Variants in ERAP2 observed in about 807,000 individuals in gnomAD.
The protein encoded by ERAP2 is endoplasmic reticulum aminopeptidase 2.
In ERAP2, 118 loss-of-function variants were observed where a neutral mutation model predicts 111.1. The observed-to-expected ratio is 1.06, with a 90% CI of 0.92 to 1.24. The LOEUF is 1.24. ERAP2 is among the 50% of genes most tolerant of loss of function. The pLI, the probability that ERAP2 is intolerant of heterozygous loss-of-function variation, is 0.00. For synonymous variants in ERAP2, 410 were observed against 401.2 expected (o/e 1.02, Z -0.26); for missense variants, 1,131 against 1,125.8 (o/e 1.00, Z -0.07).
rs1400446738 is a variant in ERAP2, at chr5:96,918,343, G to A, written c.*738G>A. 1 of 152,154 alleles carries A rather than the reference G, an allele frequency of 6.6e-6. No homozygotes were observed. Among genetic ancestry groups the A allele is most frequent in the East Asian group, 1.9e-4 (1 of 5,224 alleles). 9.4% of individuals were successfully genotyped at this position (152,154 alleles called of 1,614,324 possible). ...TTGCCCAACCAGTTTTACGTCCAAG[G>A]AAAATTAGCCAATGCATAAAATATA... is the stretch of plus-strand genomic sequence containing the variant. On this transcript the variant is annotated 3_prime_UTR_variant, in exon 19 of 19. Transcript: ENST00000437043.
rs373773533 is a variant in ERAP2, at chr5:96,883,856, C to A, written c.640C>A (p.Pro214Thr). ...CATGGCTTTCCCTTGCTTTGATGAA[C>A]CGTTGTTCAAAGCCAACTTTTCAAT... ...ARMAFPCFDEPLFKANFSIKI... is the reference protein window; with the variant it reads ...ARMAFPCFDETLFKANFSIKI... Residue 214 changes from proline to threonine, a missense_variant, in exon 3 of 19, where the codon CCG (proline) becomes ACG (threonine). Coordinates refer to ENST00000437043, the MANE Select transcript of ERAP2 (RefSeq NM_022350.5). 2 of 1,613,798 alleles carry A rather than the reference C, an allele frequency of 1.2e-6. No homozygotes were observed. Among genetic ancestry groups the A allele is most frequent in the South Asian group, 1.1e-5 (1 of 91,072 alleles).
At chr5:96,891,289 C>T (rs1004124335) in intron 5 of ERAP2, among the ~76,000 whole-genome samples, 5 of 151,294 alleles carry the variant, frequency 3.3e-5, no homozygotes, top group Admixed American at 1.3e-4. Context: ...TTTTAGCCTA[C>T]GTGAAATCAT....
In ERAP2 at chr5:96,919,321, C is replaced by T. The variant is rs1787746838; in HGVS notation, c.*1716C>T. 6.6e-6 allele frequency: 1 copy of T among 152,272 alleles called. No individual in the cohort carries two copies. The highest frequency in any genetic ancestry group is 2.1e-4 in the South Asian group (1 of 4,832). The allele number at this position is 152,272 out of a possible 1,614,324, so 9.4% of individuals were successfully genotyped here. A position where few individuals can be genotyped will look rare whatever the true frequency, so the allele number is the denominator to read the frequency against. ...TCATTTCATGGAATCTTTGAAGTAT[C>T]TTTGACTCTAACTTTGACTTGGTGG... On this transcript the variant is annotated 3_prime_UTR_variant, in exon 19 of 19. Coordinates refer to ENST00000437043, the MANE Select transcript of ERAP2 (RefSeq NM_022350.5).
At position 96,909,726 on chromosome 5, in the gene ERAP2, A is replaced by C. The variant is rs1461784789; in HGVS notation, c.2316A>C (p.Glu772Asp). 2 of 1,613,858 alleles carry C rather than the reference A, an allele frequency of 1.2e-6. No individual in the cohort carries two copies. Among genetic ancestry groups the C allele is most frequent in the Middle Eastern group, 1.7e-4 (1 of 6,060 alleles). The change falls in exon 15 of 19, where the codon GAA becomes GAC. Residue 772 changes from glutamate to aspartate, a missense_variant. This residue lies in a region of ERAP2 where 279 missense variants were observed against 250.9 expected (regional missense o/e 1.11). Transcript: ENST00000437043. ...CTCCTTGCATCCAGAAAGCTGCTGA[A>C]CTCTTCTCCCAGTGGATGGAATCCA... ...NHAPCIQKAAELFSQWMESSG... is the reference protein window; with the variant it reads ...NHAPCIQKAADLFSQWMESSG...
In ERAP2 at chr5:96,889,514, C is replaced by G; in HGVS notation, c.970+209C>G. On this transcript the variant is annotated intron_variant, in intron 5 of 18. Coordinates refer to ENST00000437043, the MANE Select transcript of ERAP2 (RefSeq NM_022350.5). The stretch of plus-strand genomic sequence containing the variant: ...CAACAGTGTGGATCATTTCTCTATT[C>G]TTTTATCAGGTTTAACGTTAACATA... 16 of 704,218 alleles carry G rather than the reference C, an allele frequency of 2.3e-5. No individual in the cohort carries two copies. The South Asian group carries it at 2.7e-4, about 12-fold the overall frequency. 43.6% of individuals were successfully genotyped at this position (704,218 alleles called of 1,614,324 possible). A position where few individuals can be genotyped will look rare whatever the true frequency, so the allele number is the denominator to read the frequency against.
intron 18 of ERAP2, among the ~76,000 whole-genome samples, chr5:96,916,375 G>A (rs2927609): frequency 0.38 from 56,892 of 151,088 alleles, 10,861 homozygotes; most frequent in Non-Finnish European, 0.42. Flanking sequence ...ATTGTATTAC[G>A]ATGCAAGAGT....
At chr5:96,886,439 A>G (rs1398494196) in intron 3 of ERAP2, among the ~76,000 whole-genome samples, 2 of 152,244 alleles carry the variant, frequency 1.3e-5, no homozygotes, top group Non-Finnish European at 2.9e-5. Flanking sequence ...GGGGATCTCA[A>G]AAGCAGGGCT....
chr5:96,881,989 A>AG (rs397829791), intron 2 of ERAP2, among the ~76,000 whole-genome samples: 6 of 21,940 alleles, frequency 2.7e-4, no homozygotes, highest in African/African-American at 1.3e-3. Flanking sequence ...GGGTATCAGG[A>AG]AGTGACTAGC....
chr5:96,916,440 T>C (rs1452962090), intron 18 of ERAP2, among the ~76,000 whole-genome samples: 1 of 150,752 alleles, frequency 6.6e-6, no homozygotes, highest in African/African-American at 2.4e-5. Context: ...AAACTATTGT[T>C]GGTAATTCTA....
At chr5:96,895,182 T>TTC (rs1407180246) in intron 6 of ERAP2, 64 bp from the exon 7 acceptor site, 2 of 1,011,858 alleles carry the variant, frequency 2.0e-6, no homozygotes, top group Admixed American at 2.3e-5. Flanking sequence ...CTATTGTATT[T>TTC]TTTGCTAAAG....
chr5:96,892,207 C>A, intron 5 of ERAP2, 92 bp from the exon 6 acceptor site: 1 of 1,318,090 alleles, frequency 7.6e-7, no homozygotes, highest in Non-Finnish European at 1.1e-6. Context: ...CTTAAATATG[C>A]TTAAAGGATC....
chr5:96,880,236 A>G lies in ERAP2; in HGVS notation c.551A>G (p.Tyr184Cys). 6.2e-7 allele frequency: 1 copy of G among 1,612,616 alleles called. No individual in the cohort carries two copies. The highest frequency in any genetic ancestry group is 8.5e-7 in the Non-Finnish European group (1 of 1,179,104). ...DGFEGFYKST[Y>C]RTLGGETRIL... ...TTTGAAGGGTTTTATAAAAGCACAT[A>G]CAGAACTCTTGGTGGTGAAACAAGG... Residue 184 changes from tyrosine to cysteine, a missense_variant, in exon 2 of 19, where the codon TAC becomes TGC. Tyr to Cys is a radical substitution (Grantham distance 194). Transcript: ENST00000437043.
At chr5:96,916,131 G>C (rs927911312) in intron 18 of ERAP2, among the ~76,000 whole-genome samples, 11 of 151,936 alleles carry the variant, frequency 7.2e-5, no homozygotes, top group African/African-American at 2.4e-4. Flanking sequence ...TGAGGCAGAA[G>C]AATCACTTGG....
At chr5:96,906,436 T>C (rs1029897494) in intron 13 of ERAP2, among the ~76,000 whole-genome samples, 15 of 151,972 alleles carry the variant, frequency 9.9e-5, no homozygotes, top group African/African-American at 3.6e-4. Context: ...CCAACCAATT[T>C]TTAAATTTTT....
intron 5 of ERAP2, chr5:96,889,520 T>C: frequency 1.4e-6 from 1 of 703,292 alleles, no homozygotes. Flanking sequence ...TATTCTTTTA[T>C]CAGGTTTAAC....
intron 4 of ERAP2, among the ~76,000 whole-genome samples, chr5:96,887,580 G>A (rs182938976): frequency 8.5e-4 from 129 of 152,182 alleles, no homozygotes; most frequent in African/African-American, 2.9e-3. Flanking sequence ...GATTACAGGC[G>A]TGAGCCACCG....
rs1426701561 is a variant in ERAP2 at position 96,886,761 on chromosome 5, T to C, written c.821T>C (p.Leu274Pro). The change falls in exon 4 of 19, where the codon CTG (leucine) becomes CCG (proline). Residue 274 changes from leucine to proline, a missense_variant. Leu to Pro is a moderately conservative substitution (Grantham distance 98, BLOSUM62 -3). Coordinates refer to ENST00000437043, the MANE Select transcript of ERAP2 (RefSeq NM_022350.5). ...TACATAGTTTGTGATTTCCACTCTC[T>C]GAGTGGCTTCACTTCATCAGGGGTC... is the stretch of plus-strand genomic sequence containing the variant. ...VAYIVCDFHS[L>P]SGFTSSGVKV... is the part of the protein sequence containing the mutation. The C allele has an allele frequency of 5.2e-6, 8 of 1,524,244 alleles. No individual in the cohort carries two copies. 94.4% of individuals were successfully genotyped at this position (1,524,244 alleles called of 1,614,324 possible).
chr5:96,916,074 A>T (rs1787341757), intron 18 of ERAP2, among the ~76,000 whole-genome samples: 4 of 152,080 alleles, frequency 2.6e-5, no homozygotes, highest in Admixed American at 1.3e-4. Context: ...TACAAAAATT[A>T]GCAGAATGTG....
rs1372867138 is a variant in ERAP2 at position 96,909,743 on chromosome 5, T to C, written c.2333T>C (p.Met778Thr). Reference sequence around the variant, plus strand: ...GCTGCTGAACTCTTCTCCCAGTGGATGGAATCCAGTGGAAAATTAAAGTAG... The same window carrying C: ...GCTGCTGAACTCTTCTCCCAGTGGACGGAATCCAGTGGAAAATTAAAGTAG... ...QKAAELFSQWMESSGKLNIPT... is the reference protein window; with the variant it reads ...QKAAELFSQWTESSGKLNIPT... Residue 778 changes from methionine (M) to threonine (T), a missense_variant, in exon 15 of 19, where the codon ATG (methionine) becomes ACG (threonine). By Grantham distance (81) the Met-to-Thr change is moderately conservative. This residue lies in a region of ERAP2 where 279 missense variants were observed against 250.9 expected (regional missense o/e 1.11). Transcript: ENST00000437043. 5.6e-6 allele frequency: 9 copies of C among 1,614,066 alleles called. No homozygotes were observed. Among genetic ancestry groups the C allele is most frequent in the Non-Finnish European group, 4.2e-6 (5 of 1,179,932 alleles).
Sources: gnomAD v4.1 joint callset for allele counts (sites outside exome capture counted in the v4.1 genomes callset) on GRCh38, gnomAD v4.1.1 for gene constraint, gnomAD v4.1.1 regional missense constraint, MANE v1.5 for transcripts, NCBI Gene and HGNC (gene_info 2026-07-23, HGNC 2026-07-21) for gene names.